Variants in MYO18B observed in about 807,000 individuals in gnomAD.
The protein encoded by MYO18B is myosin XVIIIB.
In MYO18B, 204 loss-of-function variants were observed where a neutral mutation model predicts 273.0. The ratio of observed to expected loss-of-function variants is 0.75; its 90% CI spans 0.67 to 0.84. The LOEUF (loss-of-function observed/expected upper bound fraction) is 0.84, where lower values mean the gene tolerates loss of function less well. MYO18B is among the 40% of genes least tolerant of loss of function. The pLI, the probability that MYO18B is intolerant of heterozygous loss-of-function variation, is 0.00. For missense variants in MYO18B, 3,212 were observed against 3,287.6 expected (o/e 0.98, Z 0.56); for synonymous variants, 1,330 against 1,305.7 (o/e 1.02, Z -0.40).
chr22:26,045,475 CAG>C, the MYO18B span, among the ~76,000 whole-genome samples: 1 of 152,190 alleles, frequency 6.6e-6, no homozygotes, highest in Non-Finnish European at 1.5e-5. Context: ...CAGGATTGGA[CAG>C]AGAGTCTAAG....
At chr22:25,786,404 G>A (rs919641673) in intron 11 of MYO18B, among the ~76,000 whole-genome samples, 15 of 151,930 alleles carry the variant, frequency 9.9e-5, no homozygotes, top group Non-Finnish European at 2.1e-4. Context: ...CCAGATGGAG[G>A]GAAGTAGATA....
intron 39 of MYO18B, among the ~76,000 whole-genome samples, chr22:25,982,483 C>T (rs1289507950): frequency 6.6e-6 from 1 of 152,226 alleles, no homozygotes; most frequent in Admixed American, 6.5e-5. Context: ...TCTTTTAGAG[C>T]TCTAGAGATC....
intron 21 of MYO18B, among the ~76,000 whole-genome samples, chr22:25,866,784 C>CAAAAAAA (rs56260207): frequency 7.5e-5 from 3 of 40,186 alleles, no homozygotes; most frequent in Non-Finnish European, 1.7e-4. Flanking sequence ...GACTCCGTCT[C>CAAAAAAA]AAAAAAAAAA....
intron 29 of MYO18B, among the ~76,000 whole-genome samples, 168 bp from the exon 30 acceptor site, chr22:25,902,445 A>C (rs571565307): frequency 1.3e-5 from 2 of 152,308 alleles, no homozygotes; most frequent in Middle Eastern, 6.8e-3. Context: ...AGCATTGAGA[A>C]AAACTTCCAA....
At chr22:25,800,293 G>A (rs6519627) in intron 12 of MYO18B, among the ~76,000 whole-genome samples, 140,008 of 152,192 alleles carry the variant, frequency 0.92, 65,147 homozygotes, top group Non-Finnish European at 0.99. Context: ...TAAAGAACTT[G>A]ACCAAAAACC....
chr22:26,061,460 G>A, the MYO18B span, among the ~76,000 whole-genome samples: 37 of 151,754 alleles, frequency 2.4e-4, no homozygotes, highest in Admixed American at 5.9e-4. Flanking sequence ...CCAAATTGTT[G>A]GAGCAGACAG....
chr22:25,923,277 G>A (rs926299479), intron 34 of MYO18B, among the ~76,000 whole-genome samples: 1 of 152,180 alleles, frequency 6.6e-6, no homozygotes, highest in African/African-American at 2.4e-5. Flanking sequence ...CTCTTCTAGG[G>A]TGACCCACCA....
At chr22:25,972,130 CAT>C (rs1022665623) in intron 39 of MYO18B, among the ~76,000 whole-genome samples, 1 of 150,378 alleles carries the variant, frequency 6.6e-6, no homozygotes, top group Non-Finnish European at 1.5e-5. Flanking sequence ...AAAATACATA[CAT>C]ATATATATAA....
intron 33 of MYO18B, among the ~76,000 whole-genome samples, chr22:25,918,150 T>C (rs1232234711): frequency 6.6e-6 from 1 of 152,144 alleles, no homozygotes; most frequent in Non-Finnish European, 1.5e-5. Context: ...TTTTTCATAG[T>C]GTTCTCAGGC....
chr22:26,050,484 G>A, the MYO18B span, among the ~76,000 whole-genome samples: 1 of 152,162 alleles, frequency 6.6e-6, no homozygotes, highest in Non-Finnish European at 1.5e-5. Context: ...AGGGCTGTTA[G>A]GGAAGAGAAT....
At chr22:26,008,918 C>T (rs1020645931) in intron 42 of MYO18B, among the ~76,000 whole-genome samples, 2 of 152,202 alleles carry the variant, frequency 1.3e-5, no homozygotes, top group African/African-American at 4.8e-5. Context: ...GTCTAAGCCT[C>T]ATTTCTTTCT....
rs56047312 is a variant in MYO18B, at chr22:25,792,492, C to CTT, written c.2377-5458_2377-5457dup. 1.7e-3 allele frequency among the ~76,000 whole-genome samples: 54 copies of CTT among 32,404 alleles called. 2 individuals carry two copies. Among genetic ancestry groups the CTT allele is most frequent in the African/African-American group, 3.2e-3 (27 of 8,434 alleles). The allele number at this position is 32,404 out of a possible 152,430, so 21.3% of individuals were successfully genotyped here. ...CCTATGTGATGTTTCTTTTTTTTTT[C>CTT]TTTTCTTTTTTTTTTTTTTTTGAGA... On this transcript the variant is annotated intron_variant, in intron 11 of 43. Transcript: ENST00000335473.
intron 12 of MYO18B, among the ~76,000 whole-genome samples, chr22:25,809,958 G>A (rs531523866): frequency 1.3e-5 from 2 of 149,902 alleles, no homozygotes; most frequent in East Asian, 3.9e-4. Context: ...AATGTTGTAT[G>A]TCTATAAAAA....
At chr22:25,758,547 A>G (rs1357586793) in intron 1 of MYO18B, among the ~76,000 whole-genome samples, 1 of 152,090 alleles carries the variant, frequency 6.6e-6, no homozygotes, top group Non-Finnish European at 1.5e-5. Context: ...GGGCCGACGC[A>G]CACAGGAGCG....
At position 25,768,801 on chromosome 22, in the gene MYO18B, G is replaced by A. The variant is rs572997039; in HGVS notation, c.885G>A (p.Lys295=). The change falls in exon 4 of 44, where the codon AAG becomes AAA. Residue 295 remains lysine (K), a synonymous_variant. Coordinates refer to ENST00000335473, the MANE Select transcript of MYO18B (RefSeq NM_032608.7). Reference sequence around the variant, plus strand: ...CAGAGCCCACAAACACGGTGGAAAAGGGGAATGTCTCTAAGGACGTAGGGA... The same window carrying A: ...CAGAGCCCACAAACACGGTGGAAAAAGGGAATGTCTCTAAGGACGTAGGGA... ...EGAEPTNTVE[K]GNVSKDVGSE... 6.2e-7 allele frequency: 1 copy of A among 1,610,416 alleles called. No homozygotes were observed. Among genetic ancestry groups the A allele is most frequent in the Admixed American group, 1.7e-5 (1 of 59,462 alleles).
At chr22:26,026,144 A>G (rs1274176361) in intron 42 of MYO18B, among the ~76,000 whole-genome samples, 1 of 152,164 alleles carries the variant, frequency 6.6e-6, no homozygotes, top group Non-Finnish European at 1.5e-5. Context: ...GATAGGTCCT[A>G]TCATGTCAGA....
rs1240160372 is a variant in MYO18B at position 25,772,392 on chromosome 22, AAT to A, written c.1752_1753del (p.Glu584AspfsTer23). 3 of 1,614,018 alleles carry A rather than the reference AAT, an allele frequency of 1.9e-6. No individual in the cohort carries two copies. The highest frequency in any genetic ancestry group is 2.5e-6 in the Non-Finnish European group (3 of 1,179,884). ...CTGGCCTCTCTCATCAGTGTCAACG[AAT>A]CCAGTGTCCTGAACACGCTTCTGCA... On this transcript the variant is annotated frameshift_variant, in exon 7 of 44. Transcript: ENST00000335473. LOFTEE classifies it high-confidence loss of function.
At position 25,925,830 on chromosome 22, in the gene MYO18B, G is replaced by A. The variant is rs150751064; in HGVS notation, c.5517+4421G>A. Reference sequence around the variant, plus strand: ...TGAGGCAGGAGAATCACTTGAACCCGGGAGGTAGAGGTTGTGGTGAACTGA... The same window carrying A: ...TGAGGCAGGAGAATCACTTGAACCCAGGAGGTAGAGGTTGTGGTGAACTGA... On this transcript the variant is annotated intron_variant, in intron 34 of 43. Coordinates refer to ENST00000335473, the MANE Select transcript of MYO18B (RefSeq NM_032608.7). 7.3e-3 allele frequency among the ~76,000 whole-genome samples: 1,103 copies of A among 150,160 alleles called. 4 individuals are homozygous for A. Among genetic ancestry groups the A allele is most frequent in the Admixed American group, 9.2e-3 (139 of 15,076 alleles).
chr22:26,003,289 C>T lies in MYO18B; in HGVS notation c.6312C>T (p.Gly2104=), dbSNP rs779336633. ...GTGTCCAGACGGCAGTGGATTGTGGCAGCAGCGGCCGAAAAGAGATGTAAG... is the reference window on the plus strand; with the variant it reads ...GTGTCCAGACGGCAGTGGATTGTGGTAGCAGCGGCCGAAAAGAGATGTAAG... ...TESVQTAVDC[G]SSGRKEMDNV... is the part of the protein sequence containing the mutation. Residue 2104 remains glycine (G), a synonymous_variant, in exon 41 of 44, where the codon GGC becomes GGT. Transcript: ENST00000335473. 1.9e-6 allele frequency: 3 copies of T among 1,608,750 alleles called. No homozygotes were observed. Among genetic ancestry groups the T allele is most frequent in the South Asian group, 1.1e-5 (1 of 89,692 alleles).
Sources: gnomAD v4.1 joint callset for allele counts (sites outside exome capture counted in the v4.1 genomes callset) on GRCh38, gnomAD v4.1.1 for gene constraint, MANE v1.5 for transcripts, NCBI Gene and HGNC (gene_info 2026-07-23, HGNC 2026-07-21) for gene names.